Variants in ADGRD1 observed in about 807,000 individuals in gnomAD.
ADGRD1 encodes the protein adhesion G protein-coupled receptor D1.
ADGRD1 carries 77 observed loss-of-function variants against 113.4 expected under a neutral mutation model. The ratio of observed to expected loss-of-function variants is 0.68; its 90% confidence interval spans 0.57 to 0.82. The LOEUF (loss-of-function observed/expected upper bound fraction) is 0.82. ADGRD1 is among the 40% of genes least tolerant of loss of function. ADGRD1 has a pLI of 0.00. For synonymous variants in ADGRD1, 474 were observed against 475.0 expected (o/e 1.00, Z 0.03); for missense variants, 1,036 against 1,139.1 (o/e 0.91, Z 1.30).
At chr12:131,012,707 A>T (rs1218348740) in intron 12 of ADGRD1, among the ~76,000 whole-genome samples, 1 of 152,162 alleles carries the variant, frequency 6.6e-6, no homozygotes, top group Non-Finnish European at 1.5e-5. Context: ...GTTAGAAGGA[A>T]AAACAAGTTG....
intron 13 of ADGRD1, among the ~76,000 whole-genome samples, chr12:131,028,574 C>A (rs891174787): frequency 6.6e-6 from 1 of 152,166 alleles, no homozygotes; most frequent in African/African-American, 2.4e-5. Flanking sequence ...TTTTCACTTT[C>A]GTGTTTGGGC....
At position 131,131,765 on chromosome 12, in the gene ADGRD1, C is replaced by T. The variant is rs1333010327; in HGVS notation, c.2216C>T (p.Ser739Leu). 7.4e-6 allele frequency: 12 copies of T among 1,611,898 alleles called. No individual in the cohort carries two copies. Among genetic ancestry groups the T allele is most frequent in the Non-Finnish European group, 1.0e-5 (12 of 1,179,118 alleles). The change falls in exon 21 of 25, where the codon TCA becomes TTA. Residue 739 changes from serine to leucine, a missense_variant. By Grantham distance (145) the Ser-to-Leu change is moderately radical (BLOSUM62 -2). Coordinates refer to ENST00000261654, the MANE Select transcript of ADGRD1 (RefSeq NM_198827.5). ...GILIAVTRVI[S>L]QISADNYKIH... is the part of the protein sequence containing the mutation. ...CTCATCGCTGTGACCAGAGTCATCTCACAGATCAGCGCCGACAACTACAAG... is the reference window on the plus strand; with the variant it reads ...CTCATCGCTGTGACCAGAGTCATCTTACAGATCAGCGCCGACAACTACAAG...
chr12:131,124,046 C>T (rs1566131547), intron 20 of ADGRD1, among the ~76,000 whole-genome samples: 1 of 152,218 alleles, frequency 6.6e-6, no homozygotes, highest in Non-Finnish European at 1.5e-5. Flanking sequence ...TGGCTCTTGG[C>T]AGAAGGCATA....
At chr12:131,105,627 GA>G in intron 16 of ADGRD1, 126 bp from the exon 17 acceptor site, 2 of 668,082 alleles carry the variant, frequency 3.0e-6, no homozygotes, top group Non-Finnish European at 5.3e-6. Context: ...CCACAGCAGG[GA>G]GTGACAGCAA....
chr12:131,051,910 A>T (rs534373725), intron 13 of ADGRD1, among the ~76,000 whole-genome samples: 56 of 152,362 alleles, frequency 3.7e-4, no homozygotes, highest in African/African-American at 1.3e-3. Context: ...ATATGAATTG[A>T]AACATACATA....
intron 8 of ADGRD1, among the ~76,000 whole-genome samples, chr12:130,994,493 A>G (rs889290954): frequency 2.0e-5 from 3 of 151,722 alleles, no homozygotes; most frequent in Non-Finnish European, 4.4e-5. Flanking sequence ...ATAAACACCC[A>G]CTCTGGGCAC....
At chr12:130,991,592 C>G (rs1874395491) in intron 7 of ADGRD1, among the ~76,000 whole-genome samples, 1 of 152,142 alleles carries the variant, frequency 6.6e-6, no homozygotes, top group African/African-American at 2.4e-5. Flanking sequence ...TAGTGTCATC[C>G]ATCAAATGGG....
chr12:131,004,392 G>GCTGCGGTGCTCACCCGGGCCGC, intron 11 of ADGRD1, 96 bp downstream of exon 11: 1 of 790,718 alleles, frequency 1.3e-6, no homozygotes, highest in Non-Finnish European at 2.1e-6. Flanking sequence ...GCGCCAGGGA[G>GCTGCGGTGCTCACCCGGGCCGC]CTGCGGTGCT....
At chr12:131,039,728 C>T (rs566409403) in intron 13 of ADGRD1, among the ~76,000 whole-genome samples, 2 of 152,352 alleles carry the variant, frequency 1.3e-5, no homozygotes, top group South Asian at 4.1e-4. Context: ...GGTCCACGCC[C>T]CTGCCGCTAA....
intron 13 of ADGRD1, among the ~76,000 whole-genome samples, chr12:131,063,271 A>T (rs1191848056): frequency 6.6e-6 from 1 of 152,184 alleles, no homozygotes; most frequent in Non-Finnish European, 1.5e-5. Context: ...TCCTTTTAAC[A>T]AGAGTTTTTC....
chr12:131,002,539 G>C, intron 9 of ADGRD1: 1 of 999,218 alleles, frequency 1.0e-6, no homozygotes, highest in South Asian at 4.2e-5. Context: ...GAGCTCACTG[G>C]CCCAGCTCAG....
intron 12 of ADGRD1, among the ~76,000 whole-genome samples, chr12:131,009,346 C>T (rs1461787329): frequency 6.6e-6 from 1 of 152,200 alleles, no homozygotes; most frequent in African/African-American, 2.4e-5. Flanking sequence ...TGGGCAGTTC[C>T]GGATTGGGGG....
At chr12:131,072,479 T>C (rs1203652712) in intron 13 of ADGRD1, among the ~76,000 whole-genome samples, 1 of 152,194 alleles carries the variant, frequency 6.6e-6, no homozygotes, top group East Asian at 1.9e-4. Context: ...CTGCCTGGTG[T>C]TTCTTGGCTG....
rs1870985278 is a variant in ADGRD1, at chr12:130,966,334, C to A, written c.104-129C>A. On this transcript the variant is annotated intron_variant, in intron 2 of 24. Coordinates refer to ENST00000261654, the MANE Select transcript of ADGRD1 (RefSeq NM_198827.5). The surrounding 1 kb of genome is among the most constrained non-coding windows in gnomAD (Gnocchi z 4.6). ...TGTGTGTTGAATTTTATTAAATATGCTTTCAGTATCTCCCACAGACATGGG... is the reference window on the plus strand; with the variant it reads ...TGTGTGTTGAATTTTATTAAATATGATTTCAGTATCTCCCACAGACATGGG... 1 of 596,894 alleles carries A rather than the reference C, an allele frequency of 1.7e-6. No homozygotes were observed. The highest frequency in any genetic ancestry group is 2.8e-5 in the East Asian group (1 of 35,976). The allele number at this position is 596,894 out of a possible 1,614,324, so 37.0% of individuals were successfully genotyped here. A position where few individuals can be genotyped will look rare whatever the true frequency, so the allele number is the denominator to read the frequency against.
rs370350668 is a variant in ADGRD1 at position 130,987,183 on chromosome 12, G to T, written c.579G>T (p.Pro193=). 1.2e-6 allele frequency: 2 copies of T among 1,614,078 alleles called. No individual in the cohort carries two copies. Among genetic ancestry groups the T allele is most frequent in the African/African-American group, 2.7e-5 (2 of 74,940 alleles). ...ACGGGACCCTGAGCACCTCTGATCCGAGTGGAAAAGTGTCTCGTGACTATG... is the reference window on the plus strand; with the variant it reads ...ACGGGACCCTGAGCACCTCTGATCCTAGTGGAAAAGTGTCTCGTGACTATG... ...YVNGTLSTSD[P]SGKVSRDYGE... Residue 193 remains proline, a synonymous_variant, in exon 6 of 25, where the codon CCG becomes CCT. Transcript: ENST00000261654.
intron 19 of ADGRD1, among the ~76,000 whole-genome samples, chr12:131,118,768 T>A (rs539265871): frequency 6.6e-6 from 1 of 152,326 alleles, no homozygotes; most frequent in South Asian, 2.1e-4. Context: ...GTTCTGGTCA[T>A]CCACGGAGGC....
intron 20 of ADGRD1, among the ~76,000 whole-genome samples, chr12:131,129,770 A>G (rs1364915460): frequency 6.6e-6 from 1 of 152,258 alleles, no homozygotes; most frequent in Non-Finnish European, 1.5e-5. Flanking sequence ...TTATTCAAGA[A>G]AAACTTCTGA....
rs1411337185 is a variant in ADGRD1 at position 130,987,292 on chromosome 12, A to C, written c.688A>C (p.Ile230Leu). 8.1e-6 allele frequency: 13 copies of C among 1,614,114 alleles called. No homozygotes were observed. Among genetic ancestry groups the C allele is most frequent in the Non-Finnish European group, 1.1e-5 (13 of 1,180,040 alleles). Residue 230 changes from isoleucine (I) to leucine (L), a missense_variant, in exon 6 of 25, where the codon ATC becomes CTC. Ile to Leu is a conservative substitution (Grantham distance 5, BLOSUM62 2). Coordinates refer to ENST00000261654, the MANE Select transcript of ADGRD1 (RefSeq NM_198827.5). ...GAACGGTGCTTTCGATGAGTTCATC[A>C]TCTGGGAGCGGGCTCTGACTCCGGA... ...YENGAFDEFI[I>L]WERALTPDEI...
intron 8 of ADGRD1, among the ~76,000 whole-genome samples, chr12:130,997,654 G>A (rs1452349821): frequency 6.6e-6 from 1 of 151,874 alleles, no homozygotes; most frequent in Non-Finnish European, 1.5e-5. Context: ...ATGGCGGCCG[G>A]GAAGAGGCGC....
Sources: gnomAD v4.1 joint callset for allele counts (sites outside exome capture counted in the v4.1 genomes callset) on GRCh38, gnomAD v4.1.1 for gene constraint, Gnocchi (gnomAD v3.1) non-coding constraint, MANE v1.5 for transcripts, NCBI Gene and HGNC (gene_info 2026-07-23, HGNC 2026-07-21) for gene names.